C2orf76: variants seen among roughly 807,000 people sequenced by gnomAD.
The protein encoded by C2orf76 is UPF0538 protein C2orf76.
A neutral mutation model predicts 16.9 loss-of-function variants in C2orf76; 23 were observed. The observed-to-expected ratio is 1.36, with a 90% CI of 0.98 to 1.93. The LOEUF is 1.93. C2orf76 is among the 30% of genes most tolerant of loss of function. The pLI is 0.00. For missense variants in C2orf76, 152 were observed against 152.6 expected (o/e 1.00, Z 0.02); for synonymous variants, 48 against 52.3 (o/e 0.92, Z 0.35).
At chr2:119,360,289 C>A (rs1025868655) in intron 1 of C2orf76, among the ~76,000 whole-genome samples, 3 of 151,966 alleles carry the variant, frequency 2.0e-5, no homozygotes, top group African/African-American at 4.8e-5. Context: ...ACCAGCCTGG[C>A]CAACATGGTG....
In C2orf76 at chr2:119,366,741, G is replaced by C. The variant is rs1681021618; in HGVS notation, c.-13+49C>G. The C allele has an allele frequency of 5.7e-6, 3 of 525,558 alleles. No homozygotes were observed. The Admixed American group carries it at 1.0e-4, about 18-fold the overall frequency. 32.6% of individuals were successfully genotyped at this position (525,558 alleles called of 1,614,324 possible). On this transcript the variant is annotated intron_variant, in intron 1 of 5. Coordinates refer to ENST00000334816, the MANE Select transcript of C2orf76 (RefSeq NM_001322331.2). The stretch of plus-strand genomic sequence containing the variant: ...CGGGCCAGGACTGAACCCAACTCTC[G>C]ACCAACTCCCGGCAGCAAAACTAAG...
the C2orf76 span, among the ~76,000 whole-genome samples, chr2:119,283,916 G>A: frequency 3.3e-5 from 5 of 152,278 alleles, no homozygotes; most frequent in Admixed American, 1.3e-4. Context: ...AGGACATCCC[G>A]GAAAGTTGAG....
intron 1 of C2orf76, among the ~76,000 whole-genome samples, chr2:119,348,056 A>G (rs1368171950): frequency 1.3e-5 from 2 of 148,432 alleles, no homozygotes; most frequent in African/African-American, 2.4e-5. Context: ...CAAAAAAAAA[A>G]AAAAAAAAAA....
intron 5 of C2orf76, chr2:119,311,118 A>G (rs1678971392): frequency 1.0e-6 from 1 of 970,910 alleles, no homozygotes; most frequent in Non-Finnish European, 1.2e-6. Flanking sequence ...TGCACATTCT[A>G]GGCTGGAAGG....
intron 1 of C2orf76, among the ~76,000 whole-genome samples, chr2:119,349,763 G>T (rs986766969): frequency 6.6e-6 from 1 of 152,088 alleles, no homozygotes. Context: ...GCTGAGCCAT[G>T]GGCCCCCTCT....
intron 5 of C2orf76, among the ~76,000 whole-genome samples, chr2:119,309,390 CTCT>C (rs1678905655): frequency 7.9e-6 from 1 of 126,556 alleles, no homozygotes; most frequent in Non-Finnish European, 1.7e-5. Context: ...TTCTTTTTTT[CTCT>C]TTTTCTTTTT....
intron 1 of C2orf76, among the ~76,000 whole-genome samples, chr2:119,363,159 T>C (rs1680797954): frequency 6.6e-6 from 1 of 152,018 alleles, no homozygotes; most frequent in Non-Finnish European, 1.5e-5. Context: ...GCGACATGGC[T>C]CACGCCTGTA....
intron 1 of C2orf76, among the ~76,000 whole-genome samples, chr2:119,358,199 C>T (rs577207554): frequency 1.4e-3 from 214 of 152,306 alleles, no homozygotes; most frequent in Middle Eastern, 3.4e-3. Flanking sequence ...AGGTTGAATG[C>T]TAGGCCCCTT....
At chr2:119,291,509 CA>C in the C2orf76 span, among the ~76,000 whole-genome samples, 9 of 152,026 alleles carry the variant, frequency 5.9e-5, no homozygotes, top group South Asian at 8.5e-4. Context: ...GTCAGGGAAA[CA>C]TGTGACAGGT....
At chr2:119,366,607 A>G (rs1054556949) in intron 1 of C2orf76, 183 bp downstream of exon 1, 5 of 437,340 alleles carry the variant, frequency 1.1e-5, no homozygotes, top group African/African-American at 1.0e-4. Flanking sequence ...CAGAGATGCA[A>G]CTTCCGGCCT....
At chr2:119,306,311 C>T (rs1162452935) in intron 5 of C2orf76, among the ~76,000 whole-genome samples, 1 of 152,170 alleles carries the variant, frequency 6.6e-6, no homozygotes, top group Non-Finnish European at 1.5e-5. Flanking sequence ...ATTAGCTGTA[C>T]AGACAAGATC....
chr2:119,286,669 A>G, the C2orf76 span, among the ~76,000 whole-genome samples: 3 of 152,182 alleles, frequency 2.0e-5, no homozygotes, highest in Admixed American at 6.5e-5. Flanking sequence ...GGAGGGATAC[A>G]GCAGTCAGAC....
intron 2 of C2orf76, among the ~76,000 whole-genome samples, chr2:119,332,733 T>G (rs1165446526): frequency 6.6e-6 from 1 of 152,148 alleles, no homozygotes; most frequent in Non-Finnish European, 1.5e-5. Flanking sequence ...AAAAATAGTT[T>G]TGTTTTGTTT....
intron 2 of C2orf76, among the ~76,000 whole-genome samples, chr2:119,327,999 G>A (rs1225075287): frequency 6.6e-6 from 1 of 152,000 alleles, no homozygotes; most frequent in African/African-American, 2.4e-5. Flanking sequence ...TGACCTCAGA[G>A]AATGAGTTGA....
At chr2:119,325,452 T>C (rs1379834726) in intron 2 of C2orf76, among the ~76,000 whole-genome samples, 1 of 114,956 alleles carries the variant, frequency 8.7e-6, no homozygotes, top group Non-Finnish European at 1.7e-5. Flanking sequence ...AGAGCAAGAC[T>C]GTCTCAAAAA....
At chr2:119,365,267 G>A (rs1171558463) in intron 1 of C2orf76, among the ~76,000 whole-genome samples, 2 of 152,162 alleles carry the variant, frequency 1.3e-5, no homozygotes, top group African/African-American at 4.8e-5. Flanking sequence ...CATCAAGGAA[G>A]CTGTAAGCAC....
chr2:119,302,636 T>C, intron 5 of C2orf76, 88 bp from the exon 6 acceptor site: 1 of 667,244 alleles, frequency 1.5e-6, no homozygotes, highest in African/African-American at 1.9e-5. Flanking sequence ...TTTGATTCGG[T>C]ATTTCAGAAT....
At chr2:119,289,133 G>A in the C2orf76 span, among the ~76,000 whole-genome samples, 3 of 152,150 alleles carry the variant, frequency 2.0e-5, no homozygotes, top group Non-Finnish European at 2.9e-5. Context: ...CTTGGAGCCC[G>A]AGGAAGGCCA....
At chr2:119,346,054 CA>C (rs56669262) in intron 1 of C2orf76, among the ~76,000 whole-genome samples, 12,853 of 72,922 alleles carry the variant, frequency 0.18, 202 homozygotes, top group Non-Finnish European at 0.21. Flanking sequence ...GACGCCATCT[CA>C]AAAAAAAAAA....
Sources: gnomAD v4.1 joint callset for allele counts (sites outside exome capture counted in the v4.1 genomes callset) on GRCh38, gnomAD v4.1.1 for gene constraint, MANE v1.5 for transcripts, NCBI Gene and HGNC (gene_info 2026-07-23, HGNC 2026-07-21) for gene names.